SH3GL2: variants seen among roughly 807,000 people sequenced by gnomAD.
SH3GL2 encodes the protein endophilin-A1.
A neutral mutation model predicts 46.0 loss-of-function variants in SH3GL2; 24 were observed. The observed-to-expected ratio is 0.52, with a 90% CI of 0.38 to 0.73. The LOEUF (loss-of-function observed/expected upper bound fraction) is 0.73, where lower values mean the gene tolerates loss of function less well. SH3GL2 is among the 30% of genes least tolerant of loss of function. The pLI, the probability that SH3GL2 is intolerant of heterozygous loss-of-function variation, is 0.00. For missense variants in SH3GL2, 413 were observed against 424.2 expected (o/e 0.97, Z 0.23); for synonymous variants, 196 against 147.1 (o/e 1.33, Z -2.40).
chr9:17,579,165 C>T lies in SH3GL2; in HGVS notation c.-78C>T, dbSNP rs112820965. ...ACGACCAGAGGCGGCCAGGGGAGCGCGCCGCCCCGCTCGGCCCTCCAGTCC... is the reference window on the plus strand; with the variant it reads ...ACGACCAGAGGCGGCCAGGGGAGCGTGCCGCCCCGCTCGGCCCTCCAGTCC... On this transcript the variant is annotated 5_prime_UTR_variant, in exon 1 of 9. Transcript: ENST00000380607. 17,745 of 1,081,148 alleles carry T rather than the reference C, an allele frequency of 0.016. 511 individuals are homozygous for T. The highest frequency in any genetic ancestry group is 0.12 in the African/African-American group (7,081 of 60,472). The allele number at this position is 1,081,148 out of a possible 1,614,324, so 67.0% of individuals were successfully genotyped here.
chr9:17,609,525 G>T (rs1471586033), intron 1 of SH3GL2, among the ~76,000 whole-genome samples: 2 of 152,152 alleles, frequency 1.3e-5, no homozygotes, highest in African/African-American at 4.8e-5. Context: ...CCTCCCTGCA[G>T]CTGTAGCCAG....
At chr9:17,605,496 A>G (rs186373642) in intron 1 of SH3GL2, among the ~76,000 whole-genome samples, 244 of 152,282 alleles carry the variant, frequency 1.6e-3, no homozygotes, top group African/African-American at 5.7e-3. Context: ...GGCTAGAAAT[A>G]TAAAGGGTAA....
chr9:17,740,834 A>G (rs1441886281), intron 1 of SH3GL2, among the ~76,000 whole-genome samples: 1 of 152,124 alleles, frequency 6.6e-6, no homozygotes, highest in Admixed American at 6.6e-5. Flanking sequence ...ATATTTTCTC[A>G]TCTAATTCTA....
intron 2 of SH3GL2, among the ~76,000 whole-genome samples, chr9:17,754,758 G>C (rs1052393182): frequency 3.3e-5 from 5 of 152,160 alleles, no homozygotes; most frequent in Non-Finnish European, 7.3e-5. Flanking sequence ...AATTGTGAAG[G>C]AGATTGTTCC....
intron 1 of SH3GL2, among the ~76,000 whole-genome samples, chr9:17,673,093 C>G (rs1009367488): frequency 6.6e-6 from 1 of 152,018 alleles, no homozygotes; most frequent in Non-Finnish European, 1.5e-5. Context: ...CAATAGTCCT[C>G]CCTAATAAAT....
chr9:17,609,768 C>G (rs954435017), intron 1 of SH3GL2, among the ~76,000 whole-genome samples: 1 of 152,208 alleles, frequency 6.6e-6, no homozygotes, highest in Non-Finnish European at 1.5e-5. Flanking sequence ...GACAGCTGAG[C>G]AAAGGCTCCC....
At chr9:17,757,648 A>G (rs1823037609) in intron 2 of SH3GL2, among the ~76,000 whole-genome samples, 2 of 152,188 alleles carry the variant, frequency 1.3e-5, no homozygotes, top group Admixed American at 6.5e-5. Flanking sequence ...TCAAATAGTA[A>G]TTGGAAATTT....
chr9:17,730,878 T>C (rs1822160392), intron 1 of SH3GL2, among the ~76,000 whole-genome samples: 1 of 152,136 alleles, frequency 6.6e-6, no homozygotes, highest in Admixed American at 6.6e-5. Context: ...GATTTCAATA[T>C]GCTGTGTAAG....
chr9:17,676,330 G>T (rs1319983851), intron 1 of SH3GL2, among the ~76,000 whole-genome samples: 1 of 152,136 alleles, frequency 6.6e-6, no homozygotes, highest in Admixed American at 6.5e-5. Context: ...CACAGGCTGG[G>T]CACGGTGGCT....
intron 1 of SH3GL2, among the ~76,000 whole-genome samples, chr9:17,611,372 A>C (rs1221806852): frequency 6.6e-6 from 1 of 152,188 alleles, no homozygotes; most frequent in Non-Finnish European, 1.5e-5. Context: ...CGTGGAAGCT[A>C]AAATGCATTC....
chr9:17,699,304 A>G (rs531604663), intron 1 of SH3GL2, among the ~76,000 whole-genome samples: 5 of 152,270 alleles, frequency 3.3e-5, no homozygotes, highest in African/African-American at 1.2e-4. Flanking sequence ...TGCAAGCAGC[A>G]TGAACTGTTG....
rs12003627 is a variant in SH3GL2 at position 17,660,757 on chromosome 9, A to G, written c.45+81470A>G. Among the ~76,000 whole-genome samples the G allele has an allele frequency of 3.8e-3, 577 of 152,324 alleles. 7 individuals carry two copies. The highest frequency in any genetic ancestry group is 0.013 in the African/African-American group (526 of 41,562). On this transcript the variant is annotated intron_variant, in intron 1 of 8. Coordinates refer to ENST00000380607, the MANE Select transcript of SH3GL2 (RefSeq NM_003026.5). Reference sequence around the variant, plus strand: ...ACTGAACTTGCCTGAAAAGTGATACATAACCACACGCAAACTTCCATGGGG... The same window carrying G: ...ACTGAACTTGCCTGAAAAGTGATACGTAACCACACGCAAACTTCCATGGGG...
chr9:17,671,672 G>A (rs1820478868), intron 1 of SH3GL2, among the ~76,000 whole-genome samples: 1 of 151,938 alleles, frequency 6.6e-6, no homozygotes, highest in Admixed American at 6.6e-5. Context: ...AACGAAAAAA[G>A]CCCTTGACTT....
At chr9:17,705,682 C>T (rs1821452950) in intron 1 of SH3GL2, among the ~76,000 whole-genome samples, 1 of 151,968 alleles carries the variant, frequency 6.6e-6, no homozygotes, top group Admixed American at 6.6e-5. Context: ...GGCCGTTATT[C>T]TGAGTGAACT....
chr9:17,591,603 G>C (rs189853715), intron 1 of SH3GL2, among the ~76,000 whole-genome samples: 146 of 152,310 alleles, frequency 9.6e-4, no homozygotes, highest in African/African-American at 3.1e-3. Flanking sequence ...TGTTTGTAAA[G>C]ATTAGGACCA....
intron 1 of SH3GL2, among the ~76,000 whole-genome samples, chr9:17,716,706 G>A (rs1199944392): frequency 9.2e-5 from 14 of 152,058 alleles, no homozygotes. Flanking sequence ...TATTCACTCT[G>A]GTATGCTGTC....
At position 17,683,799 on chromosome 9, in the gene SH3GL2, A is replaced by G. The variant is rs566825551; in HGVS notation, c.46-63267A>G. On this transcript the variant is annotated intron_variant, in intron 1 of 8. Coordinates refer to ENST00000380607, the MANE Select transcript of SH3GL2 (RefSeq NM_003026.5). ...AGCTGAGGGTGAAGCAGACATTGAG[A>G]AAAACACTGTGGCAAACCAGCCCCA... Among the ~76,000 whole-genome samples, 6 of 152,178 alleles carry G rather than the reference A, an allele frequency of 3.9e-5. No homozygotes were observed. In the South Asian group the frequency reaches 6.2e-4, roughly 16 times the overall value.
At chr9:17,629,123 G>A (rs1563789239) in intron 1 of SH3GL2, among the ~76,000 whole-genome samples, 1 of 152,076 alleles carries the variant, frequency 6.6e-6, no homozygotes, top group Non-Finnish European at 1.5e-5. Context: ...TTGGTTGGCT[G>A]GGAGGCAGGA....
At chr9:17,730,381 A>G (rs1248562494) in intron 1 of SH3GL2, among the ~76,000 whole-genome samples, 4 of 152,148 alleles carry the variant, frequency 2.6e-5, no homozygotes, top group African/African-American at 9.7e-5. Context: ...GATTTTCTAA[A>G]TATCCAGTCA....
Sources: gnomAD v4.1 joint callset for allele counts (sites outside exome capture counted in the v4.1 genomes callset) on GRCh38, gnomAD v4.1.1 for gene constraint, MANE v1.5 for transcripts, NCBI Gene and HGNC (gene_info 2026-07-23, HGNC 2026-07-21) for gene names.